Variants in ZSCAN5A observed in about 807,000 individuals in gnomAD.
ZSCAN5A encodes zinc finger and SCAN domain containing 5A.
Under a neutral mutation model 23.7 loss-of-function variants are expected in ZSCAN5A, and 12 were observed. The observed-to-expected ratio is 0.51, with a 90% CI of 0.32 to 0.82. The LOEUF (loss-of-function observed/expected upper bound fraction) is 0.82. ZSCAN5A is among the 40% of genes least tolerant of loss of function. The probability of loss-of-function intolerance (pLI) is 0.03; values close to 1 mark genes in which losing one functional copy is unlikely to be tolerated. For missense variants in ZSCAN5A, 597 were observed against 617.9 expected, an observed-to-expected ratio of 0.97 and a Z score of 0.36; for synonymous variants, 257 against 239.9, an observed-to-expected ratio of 1.07 and a Z score of -0.66.
intron 2 of ZSCAN5A, chr19:56,342,940 A>C (rs1021113532): frequency 2.9e-6 from 3 of 1,028,124 alleles, no homozygotes; most frequent in Non-Finnish European, 3.1e-6. Context: ...ATAGCAGTGC[A>C]CTTTGGTTAT....
chr19:56,278,413 C>T (rs997616102), intron 2 of ZSCAN5A, among the ~76,000 whole-genome samples: 11 of 152,092 alleles, frequency 7.2e-5, no homozygotes, highest in African/African-American at 1.7e-4. Flanking sequence ...GGATTACAGG[C>T]GTGAGCCGCC....
intron 2 of ZSCAN5A, among the ~76,000 whole-genome samples, chr19:56,346,701 C>T (rs1197253456): frequency 6.6e-6 from 1 of 151,184 alleles, no homozygotes; most frequent in Non-Finnish European, 1.5e-5. Context: ...CTCTCTATTA[C>T]TTTTTTTTAT....
intron 2 of ZSCAN5A, chr19:56,347,565 T>A (rs1379094165): frequency 2.0e-5 from 3 of 152,158 alleles, no homozygotes; most frequent in Non-Finnish European, 4.4e-5. Context: ...GAGAGTCAAT[T>A]CAGGTTAAAA....
chr19:56,257,069 C>T (rs1235508405), intron 2 of ZSCAN5A, among the ~76,000 whole-genome samples: 1 of 152,132 alleles, frequency 6.6e-6, no homozygotes, highest in Non-Finnish European at 1.5e-5. Context: ...GGAATAGACA[C>T]CTGACTTGGC....
rs1049518073 is a variant in ZSCAN5A at position 56,351,449 on chromosome 19, C to G, written c.-358+11786G>C. ...TCTCCCAGGCTACATGAATAACACACCTGGTCAAGCCAATCCTTTGGGCCC... is the reference window on the plus strand; with the variant it reads ...TCTCCCAGGCTACATGAATAACACAGCTGGTCAAGCCAATCCTTTGGGCCC... On this transcript the variant is annotated intron_variant, in intron 2 of 6. Transcript: ENST00000587340. The surrounding 1 kb of genome is among the most constrained non-coding windows in gnomAD (Gnocchi z 4.8). Among the ~76,000 whole-genome samples, 1 of 152,128 alleles carries G rather than the reference C, an allele frequency of 6.6e-6. No homozygotes were observed. The highest frequency in any genetic ancestry group is 1.9e-4 in the East Asian group (1 of 5,174).
At chr19:56,359,149 A>G (rs79352333) in intron 2 of ZSCAN5A, among the ~76,000 whole-genome samples, 3 of 150,346 alleles carry the variant, frequency 2.0e-5, no homozygotes, top group African/African-American at 7.3e-5. Flanking sequence ...TGGTTCTTTG[A>G]AAAAAAAAAT....
At chr19:56,284,383 T>C (rs1461968829) in intron 2 of ZSCAN5A, among the ~76,000 whole-genome samples, 4 of 152,178 alleles carry the variant, frequency 2.6e-5, no homozygotes, top group African/African-American at 4.8e-5. Context: ...AGTCTGTGCC[T>C]GGACTCATGC....
chr19:56,296,691 G>C (rs552700614), intron 2 of ZSCAN5A, among the ~76,000 whole-genome samples: 2 of 152,256 alleles, frequency 1.3e-5, no homozygotes, highest in African/African-American at 4.8e-5. Flanking sequence ...AGGCTATTAT[G>C]TCCTATGGAG....
chr19:56,339,273 CAT>C (rs1568759089), intron 2 of ZSCAN5A, among the ~76,000 whole-genome samples: 20 of 152,154 alleles, frequency 1.3e-4, no homozygotes, highest in Non-Finnish European at 2.1e-4. Flanking sequence ...CAGCTGTAGC[CAT>C]ATTTAGCAAT....
At chr19:56,366,224 A>C (rs139105317) in intron 1 of ZSCAN5A, among the ~76,000 whole-genome samples, 230 of 152,228 alleles carry the variant, frequency 1.5e-3, no homozygotes, top group Non-Finnish European at 2.6e-3. Flanking sequence ...CGGGCGGATC[A>C]CGAGGTCAGA....
At chr19:56,347,277 G>C (rs974437279) in intron 2 of ZSCAN5A, 1 of 152,230 alleles carries the variant, frequency 6.6e-6, no homozygotes, top group African/African-American at 2.4e-5. Context: ...GAAAGCAAAC[G>C]GTTCCAGGTG....
chr19:56,285,777 C>T lies in ZSCAN5A; in HGVS notation c.-128+27506G>A, dbSNP rs576865376. 8.5e-5 allele frequency among the ~76,000 whole-genome samples: 13 copies of T among 152,188 alleles called. No individual in the cohort carries two copies. The East Asian group carries it at 1.9e-3, about 23-fold the overall frequency. On this transcript the variant is annotated intron_variant, in intron 2 of 5. Coordinates refer to ENST00000683990, the MANE Select transcript of ZSCAN5A (RefSeq NM_001322064.3). ...TACAGGCATGAGCCATCACGCCCAG[C>T]CCAGTTTTGTTTTATTTTGTTTTGA...
intron 2 of ZSCAN5A, chr19:56,322,019 A>G (rs2041381239): frequency 2.6e-6 from 2 of 777,790 alleles, no homozygotes; most frequent in South Asian, 2.7e-5. Context: ...ATCTCTTTCT[A>G]CAAGGCTGTT....
upstream of ZSCAN5A, among the ~76,000 whole-genome samples, chr19:56,318,323 T>C (rs1011240837): frequency 1.1e-4 from 16 of 152,350 alleles, no homozygotes; most frequent in African/African-American, 3.4e-4. Context: ...CATCCTCTTA[T>C]TGCTTTATAA....
chr19:56,366,392 C>T (rs897137838), intron 1 of ZSCAN5A, among the ~76,000 whole-genome samples: 2 of 142,156 alleles, frequency 1.4e-5, no homozygotes, highest in Non-Finnish European at 3.0e-5. Context: ...CATTGCACTC[C>T]AGCCTGGGTG....
chr19:56,342,634 T>C (rs530361904), intron 2 of ZSCAN5A: 114 of 479,436 alleles, frequency 2.4e-4, no homozygotes, highest in South Asian at 1.2e-3. Context: ...GGGAAAAAAA[T>C]TTGGAAAAAG....
intron 2 of ZSCAN5A, chr19:56,321,480 C>T: frequency 1.4e-6 from 1 of 694,284 alleles, no homozygotes; most frequent in Non-Finnish European, 2.7e-6. Context: ...CAAATTCCTG[C>T]CCTGTGAGGA....
At chr19:56,289,936 C>G (rs1427847658) in intron 2 of ZSCAN5A, among the ~76,000 whole-genome samples, 1 of 152,152 alleles carries the variant, frequency 6.6e-6, no homozygotes, top group Non-Finnish European at 1.5e-5. Context: ...TCTTGTACCT[C>G]TAATTCATGT....
At chr19:56,320,623 A>G in intron 2 of ZSCAN5A, 1 of 666,890 alleles carries the variant, frequency 1.5e-6, no homozygotes, top group Non-Finnish European at 2.8e-6. Flanking sequence ...AAAAATAATA[A>G]TAATAATAAT....
Sources: allele counts gnomAD v4.1 joint callset (sites outside exome capture counted in the v4.1 genomes callset), GRCh38; gene constraint gnomAD v4.1.1; non-coding constraint Gnocchi (gnomAD v3.1); transcripts MANE v1.5; gene names NCBI Gene and HGNC (gene_info 2026-07-23, HGNC 2026-07-21).